CTNNB1: variants seen among roughly 807,000 people sequenced by gnomAD.
CTNNB1 encodes catenin beta-1.
CTNNB1 carries 6 observed loss-of-function variants against 82.5 expected under a neutral mutation model. The ratio of observed to expected loss-of-function variants is 0.07; its 90% CI spans 0.04 to 0.14. The LOEUF (loss-of-function observed/expected upper bound fraction) is 0.14. Among genes scored for constraint, CTNNB1 ranks in the 10% least tolerant of loss-of-function variants. CTNNB1 has a pLI of 1.00. For missense variants in CTNNB1, 529 were observed against 980.4 expected (o/e 0.54, Z 6.15); for synonymous variants, 312 against 329.7 (o/e 0.95, Z 0.58).
Position 41,232,255 on chromosome 3 carries a change from G to A in CTNNB1, c.1082-1086G>A, listed in dbSNP as rs532989514. Among the ~76,000 whole-genome samples, 12 of 152,228 alleles carry A rather than the reference G, an allele frequency of 7.9e-5. No individual in the cohort carries two copies. In the East Asian group the frequency reaches 2.3e-3, roughly 29 times the overall value. On this transcript the variant is annotated intron_variant, in intron 7 of 14. Coordinates refer to ENST00000349496, the MANE Select transcript of CTNNB1 (RefSeq NM_001904.4). The stretch of plus-strand genomic sequence containing the variant: ...CTCTTAGAGTTAATAGTTATGTAAA[G>A]GGAGGGAATGAAGTCTTAAAGAGGG...
rs775757023 is a variant in CTNNB1 at position 41,205,176 on chromosome 3, A to G, written c.-49+5506A>G. On this transcript the variant is annotated intron_variant, in intron 1 of 14. Coordinates refer to ENST00000349496, the MANE Select transcript of CTNNB1 (RefSeq NM_001904.4). The stretch of plus-strand genomic sequence containing the variant: ...TGTATACAACTCAAGTCAGCCCCCA[A>G]TTTTACTGGTCTTTAAATCATGTCC... Among the ~76,000 whole-genome samples the G allele has an allele frequency of 2.0e-5, 3 of 152,276 alleles. No homozygotes were observed. The East Asian group carries it at 5.8e-4, about 29-fold the overall frequency.
intron 1 of CTNNB1, among the ~76,000 whole-genome samples, chr3:41,212,365 C>T (rs1235177305): frequency 5.9e-5 from 9 of 152,160 alleles, no homozygotes; most frequent in East Asian, 3.8e-4. Context: ...CTCCCTTTCA[C>T]GGCCTGAAAG....
At chr3:41,216,369 T>G (rs1244695339) in intron 1 of CTNNB1, among the ~76,000 whole-genome samples, 1 of 152,272 alleles carries the variant, frequency 6.6e-6, no homozygotes, top group Non-Finnish European at 1.5e-5. Flanking sequence ...CTAGTGACTT[T>G]GTAATGCAGT....
chr3:41,205,326 TG>T (rs2077624743), intron 1 of CTNNB1, among the ~76,000 whole-genome samples: 1 of 152,224 alleles, frequency 6.6e-6, no homozygotes, highest in Admixed American at 6.5e-5. Flanking sequence ...TAATGGCAAA[TG>T]GCTTTTTGGC....
Position 41,234,560 on chromosome 3 carries a change from C to G in CTNNB1, c.1683+263C>G, listed in dbSNP as rs149251539. 5.0e-4 allele frequency: 241 copies of G among 480,716 alleles called. 2 individuals are homozygous for G. The highest frequency in any genetic ancestry group is 3.5e-3 in the African/African-American group (180 of 51,344). The allele number at this position is 480,716 out of a possible 1,614,324, so 29.8% of individuals were successfully genotyped here. A position where few individuals can be genotyped will look rare whatever the true frequency, so the allele number is the denominator to read the frequency against. On this transcript the variant is annotated intron_variant, in intron 10 of 14. Transcript: ENST00000349496. ...GGTTAGGTGTTTCATAAAGTGTTCT[C>G]ATTTAATTTACACAAAGGCCCACTT...
At chr3:41,208,787 C>T (rs1410607400) in intron 1 of CTNNB1, among the ~76,000 whole-genome samples, 2 of 152,198 alleles carry the variant, frequency 1.3e-5, no homozygotes, top group Admixed American at 6.5e-5. Context: ...TCCATCCCCT[C>T]TTGCTCTCAA....
At chr3:41,224,901 A>T (rs2125619212) in intron 3 of CTNNB1, 53 bp from the exon 4 acceptor site, 2 of 1,613,608 alleles carry the variant, frequency 1.2e-6, no homozygotes, top group Middle Eastern at 1.7e-4. Flanking sequence ...GATAGCAAAT[A>T]CTTAGGTAAA....
intron 13 of CTNNB1, chr3:41,237,162 A>G (rs976377240): frequency 6.5e-5 from 15 of 229,760 alleles, no homozygotes; most frequent in Non-Finnish European, 6.9e-5. Context: ...TAAAACTAGA[A>G]CATCCTGATA....
At chr3:41,238,908 T>C (rs1440417990) in intron 14 of CTNNB1, among the ~76,000 whole-genome samples, 2 of 152,190 alleles carry the variant, frequency 1.3e-5, no homozygotes, top group African/African-American at 2.4e-5. Flanking sequence ...TGTGCCTGTC[T>C]GATGGAAATA....
At chr3:41,202,796 A>G (rs1210794090) in intron 1 of CTNNB1, among the ~76,000 whole-genome samples, 4 of 152,148 alleles carry the variant, frequency 2.6e-5, no homozygotes, top group Non-Finnish European at 5.9e-5. Flanking sequence ...TAACTCCTAT[A>G]GTTTTTCATC....
At chr3:41,236,215 A>C in intron 11 of CTNNB1, 134 bp from the exon 12 acceptor site, 1 of 1,112,826 alleles carries the variant, frequency 9.0e-7, no homozygotes, top group South Asian at 1.2e-5. Flanking sequence ...CCAAGACATA[A>C]AATTCAGAGA....
intron 1 of CTNNB1, among the ~76,000 whole-genome samples, chr3:41,213,369 G>A (rs2077840053): frequency 6.6e-6 from 1 of 152,068 alleles, no homozygotes; most frequent in African/African-American, 2.4e-5. Flanking sequence ...CTCTAAGTGG[G>A]CCCTTCCTTC....
chr3:41,235,032 T>G (rs2078403075), intron 10 of CTNNB1: 1 of 154,322 alleles, frequency 6.5e-6, no homozygotes, highest in Non-Finnish European at 1.4e-5. Flanking sequence ...ATGAGGTGAC[T>G]TAATAGAACG....
In CTNNB1 at chr3:41,234,274, G is replaced by T. The variant is rs748148797; in HGVS notation, c.1660G>T (p.Gly554Cys). ...HQDTQRRTSM[G>C]GTQQQFVEGV... ...GGATACCCAGCGCCGTACGTCCATG[G>T]GTGGGACACAGCAGCAATTTGTGGT... The change falls in exon 10 of 15, where the codon GGT becomes TGT. Residue 554 changes from glycine to cysteine, a missense_variant. Gly to Cys is a radical substitution (Grantham distance 159). Transcript: ENST00000349496. 2.5e-6 allele frequency: 4 copies of T among 1,614,140 alleles called. No individual in the cohort carries two copies. In the East Asian group the frequency reaches 8.9e-5, roughly 36 times the overall value.
At chr3:41,239,077 C>G (rs1239785774) in intron 14 of CTNNB1, 57 bp from the exon 15 acceptor site, 2 of 1,419,470 alleles carry the variant, frequency 1.4e-6, no homozygotes, top group Non-Finnish European at 2.0e-6. Flanking sequence ...GTCTGCTTCT[C>G]TCCTCTCTCT....
In CTNNB1 at chr3:41,238,083, G is replaced by A. The variant is rs369451818; in HGVS notation, c.2137+7G>A. 8 of 1,612,086 alleles carry A rather than the reference G, an allele frequency of 5.0e-6. No homozygotes were observed. The highest frequency in any genetic ancestry group is 6.8e-6 in the Non-Finnish European group (8 of 1,178,144). On this transcript the variant is annotated splice_region_variant and intron_variant, in intron 14 of 14. Transcript: ENST00000349496. ...CTTGGATATCGCCAGGATGGTATGT[G>A]TCTCATATTTCTCGATTAACTCCAG...
In CTNNB1 at chr3:41,239,895, T is replaced by TAGCAAAG; in HGVS notation, c.*554_*555insGCAAAGA. On this transcript the variant is annotated 3_prime_UTR_variant, in exon 15 of 15. Transcript: ENST00000349496. ...CAAGAATGGATCACAAGATGGAATT[T>TAGCAAAG]ATCAAACCCTAGCCTTGCTTGTTAA... The TAGCAAAG allele has an allele frequency of 4.4e-6, 1 of 225,436 alleles. No homozygotes were observed. The highest frequency in any genetic ancestry group is 8.8e-6 in the Non-Finnish European group (1 of 113,568). 14.0% of individuals were successfully genotyped at this position (225,436 alleles called of 1,614,324 possible).
At chr3:41,221,339 CTTT>C in intron 1 of CTNNB1, 1 of 145,010 alleles carries the variant, frequency 6.9e-6, no homozygotes, top group African/African-American at 2.5e-5. Context: ...TTTATGTATC[CTTT>C]TTTTTTTTTT....
chr3:41,229,539 C>A (rs138307128), intron 7 of CTNNB1, among the ~76,000 whole-genome samples: 218 of 152,120 alleles, frequency 1.4e-3, no homozygotes, highest in African/African-American at 4.9e-3. Context: ...ATGCTTCTGA[C>A]TTTTGTACAT....
Sources: gnomAD v4.1 joint callset for allele counts (sites outside exome capture counted in the v4.1 genomes callset) on GRCh38, gnomAD v4.1.1 for gene constraint, MANE v1.5 for transcripts, NCBI Gene and HGNC (gene_info 2026-07-23, HGNC 2026-07-21) for gene names.